The following ANKH variants were observed in gnomAD, a reference collection of about 807,000 sequenced individuals.
The protein encoded by ANKH is mineralization regulator ANKH.
A neutral mutation model predicts 49.0 loss-of-function variants in ANKH; 15 were observed. That is an observed-to-expected ratio of 0.31 (90% CI 0.20 to 0.47). The LOEUF is 0.47. ANKH is among the 20% of genes least tolerant of loss of function. ANKH has a pLI of 1.00. For missense variants in ANKH, 429 were observed against 652.0 expected (o/e 0.66, Z 3.72); for synonymous variants, 273 against 260.0 (o/e 1.05, Z -0.48).
At chr5:14,818,063 CAAAAAAAA>C (rs34516771) in intron 1 of ANKH, among the ~76,000 whole-genome samples, 1 of 72,622 alleles carries the variant, frequency 1.4e-5, no homozygotes, top group Admixed American at 1.8e-4. Flanking sequence ...GACTTTGTCT[CAAAAAAAA>C]AAAAAAAAAA....
chr5:14,850,895 G>C (rs897990105), intron 1 of ANKH, among the ~76,000 whole-genome samples: 1 of 151,946 alleles, frequency 6.6e-6, no homozygotes, highest in African/African-American at 2.4e-5. Flanking sequence ...CTGATGATTA[G>C]ATTAGAAGAA....
Position 14,707,864 on chromosome 5 carries a change from A to C in ANKH, c.*3333T>G, listed in dbSNP as rs939949168. Reference sequence around the variant, plus strand: ...ATCAAGGCAAAGTAAAAACAAAGGAAGAGTAACTTTGGCACAAGACAAACC... The same window carrying C: ...ATCAAGGCAAAGTAAAAACAAAGGACGAGTAACTTTGGCACAAGACAAACC... On this transcript the variant is annotated 3_prime_UTR_variant, in exon 12 of 12. Coordinates refer to ENST00000284268, the MANE Select transcript of ANKH (RefSeq NM_054027.6). 5 of 152,220 alleles carry C rather than the reference A, an allele frequency of 3.3e-5. No homozygotes were observed. Among genetic ancestry groups the C allele is most frequent in the Non-Finnish European group, 1.5e-5 (1 of 68,040 alleles). 9.4% of individuals were successfully genotyped at this position (152,220 alleles called of 1,614,324 possible). A position where few individuals can be genotyped will look rare whatever the true frequency, so the allele number is the denominator to read the frequency against.
At chr5:14,738,462 T>C (rs1435437266) in intron 8 of ANKH, among the ~76,000 whole-genome samples, 1 of 152,124 alleles carries the variant, frequency 6.6e-6, no homozygotes, top group Non-Finnish European at 1.5e-5. Context: ...CAGCGGAGTG[T>C]GGGAAAGCGT....
chr5:14,864,816 TA>T (rs1488584354), intron 1 of ANKH, among the ~76,000 whole-genome samples: 1 of 152,186 alleles, frequency 6.6e-6, no homozygotes, highest in African/African-American at 2.4e-5. Context: ...TACTTTTAAA[TA>T]GTTTAGGGAA....
At chr5:14,739,274 G>T (rs557708265) in intron 8 of ANKH, among the ~76,000 whole-genome samples, 1 of 151,554 alleles carries the variant, frequency 6.6e-6, no homozygotes, top group South Asian at 2.1e-4. Flanking sequence ...AAAATCAGCC[G>T]GGTGTGGTGG....
Position 14,709,439 on chromosome 5 carries a change from C to G in ANKH, c.*1758G>C, listed in dbSNP as rs1489787197. The G allele has an allele frequency of 6.6e-6, 1 of 152,118 alleles. No individual in the cohort carries two copies. The highest frequency in any genetic ancestry group is 2.4e-5 in the African/African-American group (1 of 41,410). 9.4% of individuals were successfully genotyped at this position (152,118 alleles called of 1,614,324 possible). A position where few individuals can be genotyped will look rare whatever the true frequency, so the allele number is the denominator to read the frequency against. ...TGAGGAAGCACGCCAAGGACATGTC[C>G]CCACGTGGGCACACCCCATCAGCAC... On this transcript the variant is annotated 3_prime_UTR_variant, in exon 12 of 12. Coordinates refer to ENST00000284268, the MANE Select transcript of ANKH (RefSeq NM_054027.6).
At chr5:14,828,057 T>A (rs1247977217) in intron 1 of ANKH, among the ~76,000 whole-genome samples, 1 of 152,220 alleles carries the variant, frequency 6.6e-6, no homozygotes, top group Non-Finnish European at 1.5e-5. Context: ...GTTTCTAGGC[T>A]GCGGCTACAA....
chr5:14,707,044 T>TA lies in ANKH; in HGVS notation c.*4152dup, dbSNP rs1736967551. 1 of 152,182 alleles carries TA rather than the reference T, an allele frequency of 6.6e-6. No individual in the cohort carries two copies. Among genetic ancestry groups the TA allele is most frequent in the Admixed American group, 6.5e-5 (1 of 15,288 alleles). 9.4% of individuals were successfully genotyped at this position (152,182 alleles called of 1,614,324 possible). A position where few individuals can be genotyped will look rare whatever the true frequency, so the allele number is the denominator to read the frequency against. ...AAGGTGAGGAGCAGAACTTAGAAGA[T>TA]AAAGGACCCCTTTTTCTGGACTGTG... On this transcript the variant is annotated 3_prime_UTR_variant, in exon 12 of 12. Transcript: ENST00000284268.
chr5:14,727,296 AATC>A (rs1324593787), intron 8 of ANKH, among the ~76,000 whole-genome samples: 2 of 152,108 alleles, frequency 1.3e-5, no homozygotes, highest in African/African-American at 4.8e-5. Flanking sequence ...GAGTTGAAGC[AATC>A]ATCAACTGTT....
intron 1 of ANKH, among the ~76,000 whole-genome samples, chr5:14,837,613 G>C (rs1390896699): frequency 6.6e-6 from 1 of 152,194 alleles, no homozygotes; most frequent in East Asian, 1.9e-4. Context: ...TCATTAAAAA[G>C]TCAGGAAACA....
intron 1 of ANKH, among the ~76,000 whole-genome samples, chr5:14,771,949 CA>C (rs1739455814): frequency 4.9e-5 from 5 of 102,832 alleles, no homozygotes; most frequent in African/African-American, 1.3e-4. Context: ...AAAAAAAAAC[CA>C]AAACAAAACA....
rs534789129 is a variant in ANKH, at chr5:14,802,854, C to T, written c.97-33663G>A. On this transcript the variant is annotated intron_variant, in intron 1 of 11. Coordinates refer to ENST00000284268, the MANE Select transcript of ANKH (RefSeq NM_054027.6). ...AGCATGTAAGCTGCCCATCATGATCCAATCATGGCTTACTGAATTACTTGG... is the reference window on the plus strand; with the variant it reads ...AGCATGTAAGCTGCCCATCATGATCTAATCATGGCTTACTGAATTACTTGG... Among the ~76,000 whole-genome samples the T allele has an allele frequency of 4.6e-5, 7 of 152,254 alleles. No homozygotes were observed. The East Asian group carries it at 1.4e-3, about 29-fold the overall frequency.
At chr5:14,757,297 G>A (rs1320252831) in intron 3 of ANKH, among the ~76,000 whole-genome samples, 1 of 151,946 alleles carries the variant, frequency 6.6e-6, no homozygotes, top group Non-Finnish European at 1.5e-5. Flanking sequence ...TAAACTTGAG[G>A]TGGGGGTGGT....
intron 1 of ANKH, chr5:14,797,174 A>G (rs1438359486): frequency 2.2e-6 from 3 of 1,342,142 alleles, no homozygotes; most frequent in Non-Finnish European, 3.2e-6. Flanking sequence ...CTTCATCATT[A>G]TAAATGTTCT....
chr5:14,852,884 C>G (rs1338742630), intron 1 of ANKH, among the ~76,000 whole-genome samples: 3 of 152,224 alleles, frequency 2.0e-5, no homozygotes, highest in South Asian at 2.1e-4. Flanking sequence ...AAGATCTAGC[C>G]TCACCCAGGA....
chr5:14,723,827 C>T (rs1053655917), intron 8 of ANKH, among the ~76,000 whole-genome samples: 4 of 152,202 alleles, frequency 2.6e-5, no homozygotes, highest in African/African-American at 9.6e-5. Context: ...CTCTCAGTCT[C>T]TTATTCTGCA....
At position 14,710,366 on chromosome 5, in the gene ANKH, A is replaced by AAGTC. The variant is rs1561014843; in HGVS notation, c.*827_*830dup. 1 of 152,256 alleles carries AAGTC rather than the reference A, an allele frequency of 6.6e-6. No individual in the cohort carries two copies. The highest frequency in any genetic ancestry group is 1.9e-4 in the East Asian group (1 of 5,200). The allele number at this position is 152,256 out of a possible 1,614,324, so 9.4% of individuals were successfully genotyped here. A position where few individuals can be genotyped will look rare whatever the true frequency, so the allele number is the denominator to read the frequency against. On this transcript the variant is annotated 3_prime_UTR_variant, in exon 12 of 12. Transcript: ENST00000284268. Reference sequence around the variant, plus strand: ...CGAGGGAAAAGCAAGCCTTCAGGAAAAGTCATGCGGCAGGGTCTGGAATCT... The same window carrying AAGTC: ...CGAGGGAAAAGCAAGCCTTCAGGAAAAGTCAGTCATGCGGCAGGGTCTGGAATCT...
chr5:14,789,007 T>C (rs1418357349), intron 1 of ANKH, among the ~76,000 whole-genome samples: 1 of 152,184 alleles, frequency 6.6e-6, no homozygotes, highest in East Asian at 1.9e-4. Flanking sequence ...GGCGGGTGGA[T>C]CACCTGAGCC....
Position 14,716,155 on chromosome 5 carries a change from A to G in ANKH, c.1141+551T>C, listed in dbSNP as rs959912312. Among the ~76,000 whole-genome samples, 6 of 152,326 alleles carry G rather than the reference A, an allele frequency of 3.9e-5. No homozygotes were observed. In the East Asian group the frequency reaches 5.8e-4, roughly 15 times the overall value. The stretch of plus-strand genomic sequence containing the variant: ...TATTGTCCCCAAAGCTCCACATGCT[A>G]TCCTTTCAGGTCTACTTCCTTTTTA... On this transcript the variant is annotated intron_variant, in intron 9 of 11. Coordinates refer to ENST00000284268, the MANE Select transcript of ANKH (RefSeq NM_054027.6).
Sources: gnomAD v4.1 joint callset for allele counts (sites outside exome capture counted in the v4.1 genomes callset) on GRCh38, gnomAD v4.1.1 for gene constraint, MANE v1.5 for transcripts, NCBI Gene and HGNC (gene_info 2026-07-23, HGNC 2026-07-21) for gene names.